FHIT: variants seen among roughly 807,000 people sequenced by gnomAD.
FHIT encodes the protein bis(5'-adenosyl)-triphosphatase.
FHIT carries 19 observed loss-of-function variants against 17.9 expected under a neutral mutation model. That is an observed-to-expected ratio of 1.06 (90% CI 0.74 to 1.56). FHIT has a LOEUF of 1.56. Ranked by LOEUF, FHIT falls within the 40% of genes most tolerant of loss-of-function variation. The probability of loss-of-function intolerance (pLI) is 0.00; values close to 1 mark genes in which losing one functional copy is unlikely to be tolerated. For synonymous variants in FHIT, 81 were observed against 69.7 expected, an observed-to-expected ratio of 1.16 and a Z score of -0.81; for missense variants, 248 against 189.2, an observed-to-expected ratio of 1.31 and a Z score of -1.82.
At chr3:61,088,195 A>G (rs2106800521) in intron 2 of FHIT, among the ~76,000 whole-genome samples, 1 of 152,286 alleles carries the variant, frequency 6.6e-6, no homozygotes, top group African/African-American at 2.4e-5. Flanking sequence ...GGATCAGGGG[A>G]CACTGCCCAG....
chr3:59,813,362 C>T (rs562981412), intron 8 of FHIT, among the ~76,000 whole-genome samples: 7 of 152,148 alleles, frequency 4.6e-5, no homozygotes, highest in Non-Finnish European at 7.3e-5. Flanking sequence ...TTCTGGCTCT[C>T]GATAAGGTTC....
At chr3:61,211,310 A>G (rs887960252) in intron 1 of FHIT, among the ~76,000 whole-genome samples, 2 of 124,014 alleles carry the variant, frequency 1.6e-5, no homozygotes, top group East Asian at 2.9e-4. Context: ...CTAATACTGC[A>G]CTTTTCCGAT....
intron 3 of FHIT, among the ~76,000 whole-genome samples, chr3:60,877,498 G>C (rs533261339): frequency 6.6e-6 from 1 of 152,328 alleles, no homozygotes; most frequent in East Asian, 1.9e-4. Context: ...ACTGTACACT[G>C]CTTCTAGGGG....
rs371164144 is a variant in FHIT, at chr3:60,451,533, A to G, written c.103+85327T>C. On this transcript the variant is annotated intron_variant, in intron 5 of 9. Transcript: ENST00000492590. ...ATATAGTACATACACTTTTGGTGCT[A>G]TTTTCCAGAAGTTGTATGAATGCAA... Among the ~76,000 whole-genome samples, 112 of 152,294 alleles carry G rather than the reference A, an allele frequency of 7.4e-4. 3 individuals are homozygous for G. The South Asian group carries it at 0.022, about 30-fold the overall frequency.
chr3:60,460,206 G>A (rs79509821), intron 5 of FHIT, among the ~76,000 whole-genome samples: 2,871 of 152,178 alleles, frequency 0.019, 43 homozygotes, highest in Non-Finnish European at 0.031. Flanking sequence ...CAAATCTGAT[G>A]AGGACTTATT....
At chr3:60,496,113 G>T (rs926838425) in intron 5 of FHIT, among the ~76,000 whole-genome samples, 3 of 151,960 alleles carry the variant, frequency 2.0e-5, no homozygotes, top group African/African-American at 7.2e-5. Flanking sequence ...CAGCCAAAAT[G>T]CATAGACCAA....
chr3:61,066,739 A>G (rs569634214), intron 2 of FHIT, among the ~76,000 whole-genome samples: 1 of 152,312 alleles, frequency 6.6e-6, no homozygotes, highest in Admixed American at 6.5e-5. Flanking sequence ...TCTCCTAGTT[A>G]GTGTACCCCT....
rs554448736 is a variant in FHIT at position 60,339,735 on chromosome 3, G to T, written c.103+197125C>A. Among the ~76,000 whole-genome samples, 5 of 152,244 alleles carry T rather than the reference G, an allele frequency of 3.3e-5. No individual in the cohort carries two copies. In the South Asian group the frequency reaches 1.0e-3, roughly 32 times the overall value. The stretch of plus-strand genomic sequence containing the variant: ...ACTGAAATTAACTACATCGTGCTTC[G>T]GAACAGATGTGTGCACAGAAACCAA... On this transcript the variant is annotated intron_variant, in intron 5 of 9. Transcript: ENST00000492590.
chr3:60,819,124 T>C (rs148432493), intron 4 of FHIT, among the ~76,000 whole-genome samples: 1,656 of 151,836 alleles, frequency 0.011, 20 homozygotes, highest in African/African-American at 0.037. Flanking sequence ...TACTTAGCCA[T>C]ATTGGAAATG....
intron 2 of FHIT, among the ~76,000 whole-genome samples, chr3:61,173,612 C>T (rs753051655): frequency 6.6e-5 from 10 of 152,022 alleles, no homozygotes; most frequent in Non-Finnish European, 1.2e-4. Flanking sequence ...AAGCTTTCAG[C>T]GGAAGAAAGT....
chr3:60,400,535 G>T (rs1701621200), intron 5 of FHIT, among the ~76,000 whole-genome samples: 1 of 152,130 alleles, frequency 6.6e-6, no homozygotes, highest in Non-Finnish European at 1.5e-5. Context: ...GAGCACTGGG[G>T]CTTGTAGGGA....
rs11369408 is a variant in FHIT, at chr3:60,026,317, G to GAA, written c.104-12167_104-12166dup. 1.6e-3 allele frequency among the ~76,000 whole-genome samples: 231 copies of GAA among 147,326 alleles called. 4 individuals are homozygous for GAA. In the South Asian group the frequency reaches 0.033, roughly 21 times the overall value. ...AAAAGCTGAACGAATGGTTGGTTTAGAAAAAAAAAAAATAGTCAATGGAAA... is the reference window on the plus strand; with the variant it reads ...AAAAGCTGAACGAATGGTTGGTTTAGAAAAAAAAAAAAAATAGTCAATGGAAA... On this transcript the variant is annotated intron_variant, in intron 5 of 9. Transcript: ENST00000492590.
chr3:60,506,455 G>T (rs1221628295), intron 5 of FHIT, among the ~76,000 whole-genome samples: 1 of 152,180 alleles, frequency 6.6e-6, no homozygotes, highest in African/African-American at 2.4e-5. Flanking sequence ...ATAATCATTT[G>T]TCTGAAAATC....
At chr3:60,234,677 T>C (rs1411161931) in intron 5 of FHIT, among the ~76,000 whole-genome samples, 1 of 152,208 alleles carries the variant, frequency 6.6e-6, no homozygotes, top group African/African-American at 2.4e-5. Context: ...GCTGAAAGAA[T>C]TGATTTTGAA....
chr3:60,538,054 T>C (rs2036050238), intron 4 of FHIT, among the ~76,000 whole-genome samples: 1 of 152,178 alleles, frequency 6.6e-6, no homozygotes, highest in South Asian at 2.1e-4. Flanking sequence ...TGTATGCTAA[T>C]GATTGACTGG....
At chr3:61,188,819 C>A (rs534457688) in intron 2 of FHIT, among the ~76,000 whole-genome samples, 2 of 152,116 alleles carry the variant, frequency 1.3e-5, no homozygotes, top group South Asian at 4.2e-4. Context: ...TAAACAGAAC[C>A]AAAGACAAAA....
chr3:61,032,710 A>G (rs1266130986), intron 3 of FHIT, among the ~76,000 whole-genome samples: 1 of 152,242 alleles, frequency 6.6e-6, no homozygotes, highest in Non-Finnish European at 1.5e-5. Context: ...AGAGCCTACA[A>G]GCCAAAGACA....
At chr3:61,063,420 A>AGC (rs2034497473) in intron 2 of FHIT, among the ~76,000 whole-genome samples, 1 of 152,166 alleles carries the variant, frequency 6.6e-6, no homozygotes, top group East Asian at 1.9e-4. Context: ...GTCAAAAGCC[A>AGC]TGCTCTTAAC....
At position 61,169,422 on chromosome 3, in the gene FHIT, C is replaced by A. The variant is rs1445841141; in HGVS notation, c.-164+31195G>T. ...TAAAATAAAATCTTTAGCATGTGTTCATTTTTATACCTATATGAGTCATAA... is the reference window on the plus strand; with the variant it reads ...TAAAATAAAATCTTTAGCATGTGTTAATTTTTATACCTATATGAGTCATAA... On this transcript the variant is annotated intron_variant, in intron 2 of 9. Coordinates refer to ENST00000492590, the MANE Select transcript of FHIT (RefSeq NM_002012.4). Among the ~76,000 whole-genome samples, 23 of 152,226 alleles carry A rather than the reference C, an allele frequency of 1.5e-4. No individual in the cohort carries two copies. In the East Asian group the frequency reaches 4.2e-3, roughly 28 times the overall value.
Sources: gnomAD v4.1 joint callset for allele counts (sites outside exome capture counted in the v4.1 genomes callset) on GRCh38, gnomAD v4.1.1 for gene constraint, MANE v1.5 for transcripts, NCBI Gene and HGNC (gene_info 2026-07-23, HGNC 2026-07-21) for gene names.